PKD1L1: variants seen among roughly 807,000 people sequenced by gnomAD.
PKD1L1 encodes the protein polycystin 1 like 1, transient receptor potential channel interacting, also known as polycystin-1-like protein 1.
Under a neutral mutation model 323.4 loss-of-function variants are expected in PKD1L1, and 236 were observed. The ratio of observed to expected loss-of-function variants is 0.73; its 90% CI spans 0.66 to 0.81. The LOEUF is 0.81. Ranked by LOEUF, PKD1L1 falls within the 40% of genes least tolerant of loss-of-function variation. The pLI is 0.00. For synonymous variants in PKD1L1, 1,344 were observed against 1,335.0 expected (o/e 1.01, Z -0.15); for missense variants, 3,320 against 3,508.0 (o/e 0.95, Z 1.35).
At chr7:47,842,822 G>A (rs1785588826) in intron 34 of PKD1L1, 140 bp downstream of exon 34, 5 of 764,304 alleles carry the variant, frequency 6.5e-6, no homozygotes, top group Non-Finnish European at 1.0e-5. Context: ...CAGTGGAAAG[G>A]GCGGGCAAGC....
chr7:47,791,079 A>T (rs1786934359), intron 56 of PKD1L1, among the ~76,000 whole-genome samples: 1 of 152,242 alleles, frequency 6.6e-6, no homozygotes, highest in Non-Finnish European at 1.5e-5. Flanking sequence ...TCCCTGGGAC[A>T]CAGTTCTTTT....
At chr7:47,898,996 C>T (rs1787019623) in intron 13 of PKD1L1, among the ~76,000 whole-genome samples, 6 of 152,074 alleles carry the variant, frequency 3.9e-5, no homozygotes, top group Admixed American at 3.9e-4. Flanking sequence ...AGAATAAATG[C>T]TTAATTCTTT....
Position 47,919,258 on chromosome 7 carries a change from T to A in PKD1L1, c.1061-3659A>T, listed in dbSNP as rs531701637. Among the ~76,000 whole-genome samples the A allele has an allele frequency of 1.2e-3, 190 of 152,128 alleles. 2 individuals are homozygous for A. Among genetic ancestry groups the A allele is most frequent in the Admixed American group, 1.1e-3 (17 of 15,284 alleles). On this transcript the variant is annotated intron_variant, in intron 7 of 56. Coordinates refer to ENST00000289672, the MANE Select transcript of PKD1L1 (RefSeq NM_138295.5). Reference sequence around the variant, plus strand: ...TACTTAATGAACACCTTTACACACATAAACTAGAAAACCTAGAAGAGATGG... The same window carrying A: ...TACTTAATGAACACCTTTACACACAAAAACTAGAAAACCTAGAAGAGATGG...
In PKD1L1 at chr7:47,855,201, C is replaced by T; in HGVS notation, c.4655G>A (p.Trp1552Ter). The T allele has an allele frequency of 6.2e-7, 1 of 1,614,186 alleles. No individual in the cohort carries two copies. The highest frequency in any genetic ancestry group is 1.1e-5 in the South Asian group (1 of 91,080). Residue 1552 changes from tryptophan (W) to a stop codon, truncating the protein, a stop_gained, in exon 29 of 57, where the codon TGG (tryptophan) becomes TAG (stop). Coordinates refer to ENST00000289672, the MANE Select transcript of PKD1L1 (RefSeq NM_138295.5). LOFTEE classifies it high-confidence loss of function. ...CSSRRPINRQ[W>*]LRKPVMVEFG... The stretch of plus-strand genomic sequence containing the variant: ...CTCGACCATCACGGGTTTCCTTAGC[C>T]ATTGCCTGTTGATGGGTCTTCTGCT...
chr7:47,893,334 G>A (rs779396530), intron 15 of PKD1L1, among the ~76,000 whole-genome samples: 12 of 151,792 alleles, frequency 7.9e-5, no homozygotes, highest in South Asian at 2.1e-4. Context: ...GAGATGTCTC[G>A]AGGGTGTCCA....
intron 31 of PKD1L1, among the ~76,000 whole-genome samples, chr7:47,850,060 G>A (rs1583618906): frequency 2.0e-5 from 3 of 152,124 alleles, no homozygotes; most frequent in African/African-American, 7.2e-5. Flanking sequence ...TACACATAGG[G>A]TGCAGGGTAT....
intron 24 of PKD1L1, among the ~76,000 whole-genome samples, chr7:47,866,952 G>A (rs766513638): frequency 2.6e-5 from 4 of 152,152 alleles, no homozygotes; most frequent in Admixed American, 1.3e-4. Flanking sequence ...TTATGACTCC[G>A]GGTTTCAATA....
At chr7:47,950,545 T>C (rs868478135), upstream of PKD1L1, among the ~76,000 whole-genome samples, 16 of 151,986 alleles carry the variant, frequency 1.1e-4, no homozygotes, top group African/African-American at 3.9e-4. Flanking sequence ...CCGTCTCTAC[T>C]AAAAATACAA....
chr7:47,954,154 C>G, the PKD1L1 span, among the ~76,000 whole-genome samples: 3 of 152,170 alleles, frequency 2.0e-5, no homozygotes, highest in African/African-American at 4.8e-5. Flanking sequence ...CGCTAAGACA[C>G]GCCAACCAAA....
chr7:47,936,705 A>C, intron 4 of PKD1L1, 141 bp downstream of exon 4: 1 of 633,224 alleles, frequency 1.6e-6, no homozygotes, highest in South Asian at 2.0e-5. Context: ...TTTTTCCATC[A>C]ATTTAAGAGC....
At chr7:47,873,829 TGG>T in intron 24 of PKD1L1, 68 bp downstream of exon 24, 1 of 1,214,394 alleles carries the variant, frequency 8.2e-7, no homozygotes, top group Non-Finnish European at 1.2e-6. Flanking sequence ...GTTAACAACT[TGG>T]GGGAGAGCCA....
intron 45 of PKD1L1, among the ~76,000 whole-genome samples, chr7:47,824,791 T>A (rs936243248): frequency 6.6e-6 from 1 of 152,172 alleles, no homozygotes; most frequent in African/African-American, 2.4e-5. Flanking sequence ...GGAGGGGTAG[T>A]CTTCATGCTT....
chr7:47,905,923 T>C lies in PKD1L1; in HGVS notation c.1442A>G (p.Tyr481Cys). 6.2e-7 allele frequency: 1 copy of C among 1,613,174 alleles called. No homozygotes were observed. Among genetic ancestry groups the C allele is most frequent in the East Asian group, 2.2e-5 (1 of 44,840 alleles). The change falls in exon 10 of 57, where the codon TAT becomes TGT. Residue 481 changes from tyrosine to cysteine, a missense_variant. Coordinates refer to ENST00000289672, the MANE Select transcript of PKD1L1 (RefSeq NM_138295.5). The part of the protein sequence containing the change: ...VIHHFPSIPS[Y>C]NVSFISQTQV... ...AGTCTGAGAAATAAAGGACACGTTA[T>C]ATGAAGGAATAGATGGAAAGTGATG...
chr7:47,789,358 G>C (rs749143400), intron 56 of PKD1L1, among the ~76,000 whole-genome samples: 1 of 152,126 alleles, frequency 6.6e-6, no homozygotes, highest in Non-Finnish European at 1.5e-5. Flanking sequence ...ATTTCCTAAA[G>C]GTTATTTTCT....
At chr7:47,853,398 G>T (rs1785824566) in intron 30 of PKD1L1, among the ~76,000 whole-genome samples, 171 bp from the exon 31 acceptor site, 1 of 152,086 alleles carries the variant, frequency 6.6e-6, no homozygotes, top group South Asian at 2.1e-4. Context: ...ACACCACCTG[G>T]TCTCTTAGTA....
At chr7:47,810,883 T>C (rs1040640586) in intron 50 of PKD1L1, among the ~76,000 whole-genome samples, 2 of 152,150 alleles carry the variant, frequency 1.3e-5, no homozygotes, top group Non-Finnish European at 2.9e-5. Context: ...TAACTCCTAG[T>C]GTGGATATAT....
chr7:47,845,207 AC>A, intron 32 of PKD1L1, 129 bp from the exon 33 acceptor site: 1 of 704,342 alleles, frequency 1.4e-6, no homozygotes, highest in Non-Finnish European at 2.3e-6. Context: ...TATGACTAAG[AC>A]CCAGTTTAAA....
At chr7:47,889,177 C>T (rs985583618) in intron 16 of PKD1L1, among the ~76,000 whole-genome samples, 12 of 152,060 alleles carry the variant, frequency 7.9e-5, no homozygotes, top group Admixed American at 7.9e-4. Flanking sequence ...AGAGGTCCCT[C>T]CAGCCCCAGA....
chr7:47,928,406 T>C (rs1358357918), intron 7 of PKD1L1, among the ~76,000 whole-genome samples: 2 of 151,942 alleles, frequency 1.3e-5, no homozygotes, highest in Non-Finnish European at 2.9e-5. Context: ...CCATGTCTAC[T>C]AAAAATACAA....
Sources: gnomAD v4.1 joint callset for allele counts (sites outside exome capture counted in the v4.1 genomes callset) on GRCh38, gnomAD v4.1.1 for gene constraint, MANE v1.5 for transcripts, NCBI Gene and HGNC (gene_info 2026-07-23, HGNC 2026-07-21) for gene names.